The following FBLN5 variants were observed in gnomAD, a reference collection of about 807,000 sequenced individuals.
FBLN5 encodes the protein fibulin-5.
Under a neutral mutation model 61.6 loss-of-function variants are expected in FBLN5, and 24 were observed. The ratio of observed to expected loss-of-function variants is 0.39; its 90% CI spans 0.28 to 0.55. The LOEUF (loss-of-function observed/expected upper bound fraction) is 0.55. Among genes scored for constraint, FBLN5 ranks in the 20% least tolerant of loss-of-function variants. FBLN5 has a pLI of 0.65. For synonymous variants in FBLN5, 213 were observed against 219.8 expected (o/e 0.97, Z 0.27); for missense variants, 470 against 594.1 (o/e 0.79, Z 2.17).
At chr14:91,930,042 A>G (rs1282206618) in intron 4 of FBLN5, among the ~76,000 whole-genome samples, 1 of 152,232 alleles carries the variant, frequency 6.6e-6, no homozygotes, top group Non-Finnish European at 1.5e-5. Context: ...AACGACACAC[A>G]CTATTAAATC....
intron 4 of FBLN5, among the ~76,000 whole-genome samples, chr14:91,918,403 G>A (rs1230118367): frequency 1.3e-5 from 2 of 152,282 alleles, no homozygotes; most frequent in Non-Finnish European, 1.5e-5. Flanking sequence ...GAAGGTCAGG[G>A]GACTGGGGGC....
At chr14:91,895,093 A>G in intron 4 of FBLN5, 21 bp from the exon 5 acceptor site, 4 of 1,613,692 alleles carry the variant, frequency 2.5e-6, no homozygotes, top group Non-Finnish European at 3.4e-6. Flanking sequence ...GACATAGTCC[A>G]AAGAATGTCA....
chr14:91,900,368 A>G (rs1890403569), intron 4 of FBLN5, among the ~76,000 whole-genome samples: 1 of 152,252 alleles, frequency 6.6e-6, no homozygotes, highest in African/African-American at 2.4e-5. Context: ...TATTATATAC[A>G]TATATGTATT....
intron 2 of FBLN5, among the ~76,000 whole-genome samples, chr14:91,941,307 G>A (rs2056100786): frequency 6.6e-6 from 1 of 152,090 alleles, no homozygotes; most frequent in African/African-American, 2.4e-5. Flanking sequence ...GCAAGATGAC[G>A]ACATAAAGAT....
chr14:91,932,960 C>T (rs926189033), intron 4 of FBLN5, among the ~76,000 whole-genome samples: 15 of 152,250 alleles, frequency 9.9e-5, no homozygotes, highest in African/African-American at 3.6e-4. Flanking sequence ...CCCTTTGGGG[C>T]TCAGCTTGTC....
rs750536224 is a variant in FBLN5, at chr14:91,869,948, T to TAAATTTCAAG, written c.*275_*276insCTTGAAATTT. ...TTCTTTGAAAATAGTGGAAATAAAC[T>TAAATTTCAAG]GAAGGCCTTGAAAATTCACCAACAA... is the stretch of plus-strand genomic sequence containing the variant. On this transcript the variant is annotated 3_prime_UTR_variant, in exon 11 of 11. Transcript: ENST00000342058. 6.5e-6 allele frequency: 3 copies of TAAATTTCAAG among 460,084 alleles called. No homozygotes were observed. Among genetic ancestry groups the TAAATTTCAAG allele is most frequent in the Non-Finnish European group, 1.2e-5 (3 of 248,172 alleles). The allele number at this position is 460,084 out of a possible 1,614,324, so 28.5% of individuals were successfully genotyped here. A position where few individuals can be genotyped will look rare whatever the true frequency, so the allele number is the denominator to read the frequency against.
intron 4 of FBLN5, among the ~76,000 whole-genome samples, chr14:91,928,756 A>G (rs2055872483): frequency 6.6e-6 from 1 of 151,722 alleles, no homozygotes. Flanking sequence ...AGCTTGGATA[A>G]CAGAGCAAGA....
intron 4 of FBLN5, among the ~76,000 whole-genome samples, chr14:91,910,125 A>C (rs1346826860): frequency 6.6e-6 from 1 of 152,206 alleles, no homozygotes; most frequent in Non-Finnish European, 1.5e-5. Flanking sequence ...AGCAACCCAA[A>C]TGTCTATTAG....
chr14:91,903,844 G>C (rs536006223), intron 4 of FBLN5, among the ~76,000 whole-genome samples: 1 of 152,120 alleles, frequency 6.6e-6, no homozygotes, highest in Non-Finnish European at 1.5e-5. Context: ...AAAGACTCCA[G>C]GTCCCCACTG....
intron 3 of FBLN5, among the ~76,000 whole-genome samples, chr14:91,938,897 C>T (rs1241163689): frequency 1.3e-5 from 2 of 152,200 alleles, no homozygotes; most frequent in East Asian, 3.8e-4. Flanking sequence ...AGCCTGAAGC[C>T]ATCGCTGAAA....
Position 91,885,064 on chromosome 14 carries a change from G to C in FBLN5, c.740-1988C>G, listed in dbSNP as rs186450934. 9.5e-4 allele frequency among the ~76,000 whole-genome samples: 145 copies of C among 152,336 alleles called. 1 individual carries two copies. Among genetic ancestry groups the C allele is most frequent in the Non-Finnish European group, 1.5e-3 (102 of 68,014 alleles). Reference sequence around the variant, plus strand: ...GCTACACGGAGAGGCCACCCCAGCCGTGATAACACAGTGAGGATAACAGTG... The same window carrying C: ...GCTACACGGAGAGGCCACCCCAGCCCTGATAACACAGTGAGGATAACAGTG... On this transcript the variant is annotated intron_variant, in intron 7 of 10. Transcript: ENST00000342058.
At chr14:91,890,142 G>A (rs1463147819) in intron 6 of FBLN5, among the ~76,000 whole-genome samples, 2 of 152,222 alleles carry the variant, frequency 1.3e-5, no homozygotes, top group Non-Finnish European at 2.9e-5. Flanking sequence ...TTGGCGTGAG[G>A]AACACAGTCC....
At chr14:91,929,238 T>G (rs1319391956) in intron 4 of FBLN5, among the ~76,000 whole-genome samples, 7 of 152,056 alleles carry the variant, frequency 4.6e-5, no homozygotes, top group Admixed American at 1.3e-4. Flanking sequence ...TACTTCCAAG[T>G]ATTTCAAAAT....
chr14:91,892,408 C>T lies in FBLN5; in HGVS notation c.503-1071G>A, dbSNP rs887385121. Among the ~76,000 whole-genome samples the T allele has an allele frequency of 8.5e-5, 13 of 152,296 alleles. No individual in the cohort carries two copies. The East Asian group carries it at 1.2e-3, about 14-fold the overall frequency. On this transcript the variant is annotated intron_variant, in intron 5 of 10. Coordinates refer to ENST00000342058, the MANE Select transcript of FBLN5 (RefSeq NM_006329.4). ...AGGGGCCATCCAGGACTCTGGAAGC[C>T]GGCTTAGAGCCTCAGTCCTTGTGCC... is the stretch of plus-strand genomic sequence containing the variant.
intron 10 of FBLN5, among the ~76,000 whole-genome samples, chr14:91,872,075 G>C (rs562866194): frequency 2.6e-4 from 39 of 152,122 alleles, no homozygotes; most frequent in African/African-American, 8.4e-4. Flanking sequence ...GGACCCAGGT[G>C]GGGGGGCCCT....
At chr14:91,929,113 A>ACC (rs1555379250) in intron 4 of FBLN5, among the ~76,000 whole-genome samples, 106 of 136,896 alleles carry the variant, frequency 7.7e-4, no homozygotes, top group South Asian at 2.5e-3. Flanking sequence ...ACACACACAC[A>ACC]CCCCACACAC....
rs1259706614 is a variant in FBLN5 at position 91,937,086 on chromosome 14, G to A, written c.240C>T (p.Tyr80=). The A allele has an allele frequency of 2.5e-6, 4 of 1,614,050 alleles. No individual in the cohort carries two copies. Among genetic ancestry groups the A allele is most frequent in the Non-Finnish European group, 3.4e-6 (4 of 1,180,010 alleles). ...PRTNPVYRGP[Y]SNPYSTPYSG... Reference sequence around the variant, plus strand: ...AGTAGGGGGTCGAGTAGGGGTTCGAGTAGGGCCCTCGATACACAGGGTTTG... The same window carrying A: ...AGTAGGGGGTCGAGTAGGGGTTCGAATAGGGCCCTCGATACACAGGGTTTG... Residue 80 remains tyrosine, a synonymous_variant, in exon 4 of 11, where the codon TAC becomes TAT. Coordinates refer to ENST00000342058, the MANE Select transcript of FBLN5 (RefSeq NM_006329.4).
chr14:91,888,167 C>T (rs1255278281), intron 6 of FBLN5, among the ~76,000 whole-genome samples: 1 of 151,974 alleles, frequency 6.6e-6, no homozygotes, highest in Admixed American at 6.6e-5. Flanking sequence ...GGTGATGTGG[C>T]ACACGCCTGA....
intron 4 of FBLN5, among the ~76,000 whole-genome samples, chr14:91,927,983 C>T (rs1043580422): frequency 6.6e-6 from 1 of 152,264 alleles, no homozygotes; most frequent in Non-Finnish European, 1.5e-5. Context: ...TACACAAAGG[C>T]ACCAAGGGCT....
Sources: gnomAD v4.1 joint callset for allele counts (sites outside exome capture counted in the v4.1 genomes callset) on GRCh38, gnomAD v4.1.1 for gene constraint, MANE v1.5 for transcripts, NCBI Gene and HGNC (gene_info 2026-07-23, HGNC 2026-07-21) for gene names.